The following DZIP3 variants were observed in gnomAD, a reference collection of about 807,000 sequenced individuals.
The protein encoded by DZIP3 is DAZ interacting zinc finger protein 3.
DZIP3 carries 118 observed loss-of-function variants against 162.0 expected under a neutral mutation model. That is an observed-to-expected ratio of 0.73 (90% CI 0.63 to 0.85). DZIP3 has a LOEUF of 0.85. Among genes scored for constraint, DZIP3 ranks in the 40% least tolerant of loss-of-function variants. DZIP3 has a pLI of 0.00. For synonymous variants in DZIP3, 438 were observed against 458.6 expected (o/e 0.96, Z 0.57); for missense variants, 1,331 against 1,407.0 (o/e 0.95, Z 0.86).
intron 10 of DZIP3, among the ~76,000 whole-genome samples, chr3:108,635,760 C>T (rs1392961722): frequency 6.6e-6 from 1 of 150,638 alleles, no homozygotes; most frequent in African/African-American, 2.4e-5. Context: ...ATACAAAGCC[C>T]AGTTCTGAAT....
intron 21 of DZIP3, among the ~76,000 whole-genome samples, chr3:108,665,798 G>T (rs958597387): frequency 2.0e-5 from 3 of 152,104 alleles, no homozygotes; most frequent in Non-Finnish European, 4.4e-5. Flanking sequence ...GAATGAAGTG[G>T]CAGTTTATTC....
At chr3:108,636,576 AT>A (rs10711079) in intron 10 of DZIP3, 39 bp from the exon 11 acceptor site, 1,328,235 of 1,329,070 alleles carry the variant, frequency 1, 663,716 homozygotes, top group Middle Eastern at 1. Flanking sequence ...CACATCAGTG[AT>A]TTTTTTCTAT....
intron 4 of DZIP3, among the ~76,000 whole-genome samples, chr3:108,615,392 A>C (rs1940951009): frequency 6.6e-6 from 1 of 152,198 alleles, no homozygotes; most frequent in Non-Finnish European, 1.5e-5. Context: ...ATGTAGGTGA[A>C]GTTCTTGGCT....
chr3:108,607,603 T>A (rs1020122774), intron 2 of DZIP3, among the ~76,000 whole-genome samples: 1 of 152,170 alleles, frequency 6.6e-6, no homozygotes, highest in Non-Finnish European at 1.5e-5. Flanking sequence ...CCCTTATTAC[T>A]CAAATAGTTT....
At chr3:108,692,373 C>T (rs1195833709) in intron 32 of DZIP3, among the ~76,000 whole-genome samples, 2 of 151,960 alleles carry the variant, frequency 1.3e-5, no homozygotes, top group Non-Finnish European at 1.5e-5. Flanking sequence ...CATGTCTGCC[C>T]ACAGCAAATG....
intron 3 of DZIP3, among the ~76,000 whole-genome samples, chr3:108,610,030 ATT>A (rs1035920776): frequency 3.0e-4 from 45 of 152,186 alleles, no homozygotes; most frequent in African/African-American, 1.1e-3. Context: ...ACTTTGTAGA[ATT>A]TTGTTTTAAC....
chr3:108,654,618 T>G (rs1943027201), intron 19 of DZIP3, among the ~76,000 whole-genome samples: 1 of 152,160 alleles, frequency 6.6e-6, no homozygotes, highest in Non-Finnish European at 1.5e-5. Flanking sequence ...AAAAAAAGAC[T>G]AGCATAATCC....
chr3:108,677,207 A>G (rs1407795128), intron 25 of DZIP3, among the ~76,000 whole-genome samples: 1 of 152,006 alleles, frequency 6.6e-6, no homozygotes, highest in Non-Finnish European at 1.5e-5. Context: ...TTCCTATTTT[A>G]GAGCTGAAAA....
intron 31 of DZIP3, among the ~76,000 whole-genome samples, chr3:108,690,147 C>G (rs1944639422): frequency 6.6e-6 from 1 of 152,154 alleles, no homozygotes; most frequent in Admixed American, 6.5e-5. Flanking sequence ...GCATATAATT[C>G]ATTCAGGTCA....
intron 15 of DZIP3, 69 bp downstream of exon 15, chr3:108,646,718 G>A: frequency 8.7e-7 from 1 of 1,154,436 alleles, no homozygotes; most frequent in East Asian, 2.6e-5. Context: ...ATTTTTATTT[G>A]TTCAGATAAA....
chr3:108,612,165 A>G (rs1326468846), intron 4 of DZIP3, among the ~76,000 whole-genome samples: 2 of 152,138 alleles, frequency 1.3e-5, no homozygotes, highest in Non-Finnish European at 2.9e-5. Context: ...AGTTAAAGAA[A>G]ATTATATACT....
intron 19 of DZIP3, among the ~76,000 whole-genome samples, chr3:108,655,780 ATCGGGTCAC>A (rs1943085213): frequency 6.6e-6 from 1 of 152,104 alleles, no homozygotes; most frequent in South Asian, 2.1e-4. Context: ...CACCTGGAAA[ATCGGGTCAC>A]TCCCACCCTA....
chr3:108,670,456 C>T (rs1943886549), intron 22 of DZIP3, among the ~76,000 whole-genome samples: 1 of 151,886 alleles, frequency 6.6e-6, no homozygotes, highest in African/African-American at 2.4e-5. Context: ...CATGTTGTAG[C>T]ATGTATCATT....
intron 21 of DZIP3, among the ~76,000 whole-genome samples, chr3:108,665,015 TAA>T (rs1157898670): frequency 6.6e-6 from 1 of 152,116 alleles, no homozygotes; most frequent in East Asian, 1.9e-4. Flanking sequence ...GACTGCCTGC[TAA>T]AAATAGGAAG....
chr3:108,692,174 T>A (rs1273736714), intron 32 of DZIP3, among the ~76,000 whole-genome samples: 1 of 152,094 alleles, frequency 6.6e-6, no homozygotes, highest in Non-Finnish European at 1.5e-5. Context: ...TATATTATAA[T>A]GTGAATTGAT....
chr3:108,618,950 A>T (rs1306542036), intron 5 of DZIP3, among the ~76,000 whole-genome samples: 4 of 150,432 alleles, frequency 2.7e-5, no homozygotes, highest in Admixed American at 2.0e-4. Context: ...AATCCCAACT[A>T]CTCAGGAGGC....
intron 18 of DZIP3, among the ~76,000 whole-genome samples, chr3:108,651,457 T>C (rs1942862591): frequency 6.6e-6 from 1 of 151,738 alleles, no homozygotes; most frequent in Admixed American, 6.6e-5. Context: ...CACTGTATTT[T>C]AGTCTAGACA....
At chr3:108,621,884 G>A (rs1024124068) in intron 5 of DZIP3, among the ~76,000 whole-genome samples, 1 of 152,008 alleles carries the variant, frequency 6.6e-6, no homozygotes, top group Non-Finnish European at 1.5e-5. Flanking sequence ...AATAAATAAC[G>A]AAAATATGGT....
At chr3:108,685,491 C>A (rs545632745) in intron 27 of DZIP3, among the ~76,000 whole-genome samples, 1 of 152,192 alleles carries the variant, frequency 6.6e-6, no homozygotes, top group African/African-American at 2.4e-5. Context: ...ATAAAAGGTG[C>A]AAGTGGTCAT....
Sources: allele counts gnomAD v4.1 joint callset (sites outside exome capture counted in the v4.1 genomes callset), GRCh38; gene constraint gnomAD v4.1.1; transcripts MANE v1.5; gene names NCBI Gene and HGNC (gene_info 2026-07-23, HGNC 2026-07-21).